PTPRT: variants seen among roughly 807,000 people sequenced by gnomAD.
PTPRT encodes protein tyrosine phosphatase receptor type T, also known as receptor-type tyrosine-protein phosphatase T.
A neutral mutation model predicts 176.8 loss-of-function variants in PTPRT; 56 were observed. The observed-to-expected ratio is 0.32, with a 90% CI of 0.26 to 0.40. The LOEUF (loss-of-function observed/expected upper bound fraction) is 0.40. PTPRT is among the 10% of genes least tolerant of loss of function. PTPRT has a pLI of 1.00. For synonymous variants in PTPRT, 783 were observed against 739.0 expected, an observed-to-expected ratio of 1.06 and a Z score of -0.96; for missense variants, 1,540 against 1,908.2, an observed-to-expected ratio of 0.81 and a Z score of 3.60.
At chr20:42,164,818 C>T (rs985490725) in intron 16 of PTPRT, among the ~76,000 whole-genome samples, 27 of 152,298 alleles carry the variant, frequency 1.8e-4, no homozygotes, top group African/African-American at 4.6e-4. Flanking sequence ...GGAATTCACA[C>T]GCTGCTCATA....
chr20:42,603,407 G>A (rs1206599260), intron 7 of PTPRT, among the ~76,000 whole-genome samples: 2 of 152,168 alleles, frequency 1.3e-5, no homozygotes, highest in African/African-American at 4.8e-5. Flanking sequence ...GAAATGACAA[G>A]TGCAAAACGC....
intron 9 of PTPRT, among the ~76,000 whole-genome samples, chr20:42,443,723 C>T (rs910729609): frequency 6.6e-6 from 1 of 152,146 alleles, no homozygotes; most frequent in African/African-American, 2.4e-5. Flanking sequence ...GGCCCAGGAT[C>T]TAAAGGTCCA....
chr20:42,320,579 C>T (rs2057786180), intron 11 of PTPRT, among the ~76,000 whole-genome samples: 1 of 152,132 alleles, frequency 6.6e-6, no homozygotes, highest in Non-Finnish European at 1.5e-5. Context: ...CAGGTTCTTC[C>T]AGAAACAGAC....
At chr20:43,112,242 G>A (rs1275738815) in intron 1 of PTPRT, among the ~76,000 whole-genome samples, 2 of 152,152 alleles carry the variant, frequency 1.3e-5, no homozygotes, top group Admixed American at 6.6e-5. Context: ...TGGATAGAAG[G>A]CAAAGTAGTT....
intron 9 of PTPRT, among the ~76,000 whole-genome samples, chr20:42,416,540 G>A (rs553262798): frequency 2.3e-4 from 35 of 152,246 alleles, no homozygotes; most frequent in South Asian, 2.1e-4. Context: ...TCCAAGGACC[G>A]ACTGGCCTTC....
intron 13 of PTPRT, among the ~76,000 whole-genome samples, chr20:42,257,883 G>A (rs1162895537): frequency 6.6e-6 from 1 of 151,754 alleles, no homozygotes; most frequent in Non-Finnish European, 1.5e-5. Flanking sequence ...TATGAAGCAG[G>A]TTCCATCATT....
At chr20:42,452,077 T>C (rs759177496) in intron 8 of PTPRT, among the ~76,000 whole-genome samples, 8 of 152,142 alleles carry the variant, frequency 5.3e-5, no homozygotes, top group Non-Finnish European at 1.0e-4. Flanking sequence ...GAGACCATCC[T>C]GGCCAACATG....
intron 6 of PTPRT, among the ~76,000 whole-genome samples, chr20:42,753,268 T>C (rs1037149951): frequency 7.9e-5 from 12 of 152,136 alleles, no homozygotes; most frequent in Non-Finnish European, 1.8e-4. Context: ...TCAACCTGGC[T>C]GTGCTAATTC....
At chr20:42,264,341 A>C (rs1167897352) in intron 13 of PTPRT, among the ~76,000 whole-genome samples, 1 of 152,168 alleles carries the variant, frequency 6.6e-6, no homozygotes, top group African/African-American at 2.4e-5. Context: ...TGGCAGCTCA[A>C]ATGATGTACC....
At chr20:42,085,964 T>C (rs1983860155) in intron 27 of PTPRT, 111 bp from the exon 28 acceptor site, 2 of 1,244,796 alleles carry the variant, frequency 1.6e-6, no homozygotes, top group South Asian at 3.1e-5. Flanking sequence ...TTTTTTTTTT[T>C]GAGATGGAGC....
At chr20:42,224,529 G>A (rs2055960717) in intron 15 of PTPRT, among the ~76,000 whole-genome samples, 1 of 152,128 alleles carries the variant, frequency 6.6e-6, no homozygotes, top group Admixed American at 6.5e-5. Flanking sequence ...CTCAACTAAG[G>A]TTCTGGGCCA....
chr20:42,967,872 C>G (rs182940236), intron 1 of PTPRT, among the ~76,000 whole-genome samples: 1 of 152,136 alleles, frequency 6.6e-6, no homozygotes, highest in African/African-American at 2.4e-5. Context: ...AAGGCTGATA[C>G]GTTCTTGCCC....
At chr20:42,129,430 C>A (rs961139916) in intron 18 of PTPRT, among the ~76,000 whole-genome samples, 1 of 152,158 alleles carries the variant, frequency 6.6e-6, no homozygotes. Flanking sequence ...TAGACATAAA[C>A]AAGATTTGCA....
chr20:42,907,066 G>A (rs566909132), intron 1 of PTPRT, among the ~76,000 whole-genome samples: 2 of 152,110 alleles, frequency 1.3e-5, no homozygotes, highest in South Asian at 2.1e-4. Context: ...GTCAGAAAAT[G>A]TAACAGTGAG....
At chr20:42,776,186 C>T (rs1402297129) in intron 4 of PTPRT, among the ~76,000 whole-genome samples, 3 of 152,172 alleles carry the variant, frequency 2.0e-5, no homozygotes, top group Admixed American at 6.5e-5. Context: ...CTAAATGGAT[C>T]GCTAATCTCT....
chr20:42,743,940 C>CA, intron 6 of PTPRT, among the ~76,000 whole-genome samples: 1 of 152,312 alleles, frequency 6.6e-6, no homozygotes, highest in African/African-American at 2.4e-5. Context: ...TTTTGAACTG[C>CA]AAAATCTTTT....
chr20:42,481,261 T>C (rs1289996104), intron 7 of PTPRT, among the ~76,000 whole-genome samples: 1 of 152,140 alleles, frequency 6.6e-6, no homozygotes. Context: ...ATGACTATGA[T>C]TGTCACTTTA....
intron 7 of PTPRT, among the ~76,000 whole-genome samples, chr20:42,563,912 C>A (rs763270986): frequency 3.9e-5 from 6 of 152,194 alleles, no homozygotes; most frequent in African/African-American, 7.2e-5. Flanking sequence ...AAAAATGAAT[C>A]TGCAGGGTGG....
At chr20:42,676,402 T>C (rs996408063) in intron 7 of PTPRT, among the ~76,000 whole-genome samples, 17 of 152,188 alleles carry the variant, frequency 1.1e-4, no homozygotes, top group African/African-American at 3.6e-4. Context: ...GTTTGTTCCA[T>C]GGTTCCTGTA....
Sources: allele counts gnomAD v4.1 joint callset (sites outside exome capture counted in the v4.1 genomes callset), GRCh38; gene constraint gnomAD v4.1.1; transcripts MANE v1.5; gene names NCBI Gene and HGNC (gene_info 2026-07-23, HGNC 2026-07-21).